Variants in KCTD18 observed in about 807,000 individuals in gnomAD.
KCTD18 encodes the protein potassium channel tetramerization domain containing 18.
Under a neutral mutation model 30.4 loss-of-function variants are expected in KCTD18, and 22 were observed. That is an observed-to-expected ratio of 0.72 (90% CI 0.52 to 1.03). KCTD18 has a LOEUF of 1.03. KCTD18 is among the 50% of genes least tolerant of loss of function. The pLI is 0.00. For missense variants in KCTD18, 529 were observed against 547.6 expected, an observed-to-expected ratio of 0.97 and a Z score of 0.34; for synonymous variants, 186 against 209.0, an observed-to-expected ratio of 0.89 and a Z score of 0.95.
chr2:200,493,332 A>C (rs1419955928), intron 5 of KCTD18, 58 bp from the exon 6 acceptor site: 3 of 1,029,994 alleles, frequency 2.9e-6, no homozygotes, highest in Non-Finnish European at 4.6e-6. Context: ...ATGCTGAGCA[A>C]CACTGTTTCG....
chr2:200,506,758 A>C (rs2030220997), intron 2 of KCTD18, 99 bp downstream of exon 2: 1 of 1,021,850 alleles, frequency 9.8e-7, no homozygotes, highest in Admixed American at 2.2e-5. Context: ...TAATTAGTAT[A>C]GTCATCTAGT....
At chr2:200,491,404 T>C (rs932294655) in intron 6 of KCTD18, among the ~76,000 whole-genome samples, 6 of 152,230 alleles carry the variant, frequency 3.9e-5, no homozygotes, top group Non-Finnish European at 7.3e-5. Flanking sequence ...CCCAGCCTGA[T>C]AGTCCTTTAT....
chr2:200,490,131 C>T lies in KCTD18; in HGVS notation c.1250G>A (p.Arg417Gln). 2 of 1,593,788 alleles carry T rather than the reference C, an allele frequency of 1.3e-6. No individual in the cohort carries two copies. The highest frequency in any genetic ancestry group is 2.2e-5 in the South Asian group (2 of 89,978). The change falls in exon 7 of 7, where the codon CGG becomes CAG. Residue 417 changes from arginine (R) to glutamine (Q), a missense_variant. Arg to Gln is a conservative substitution (Grantham distance 43, BLOSUM62 1). Transcript: ENST00000359878. Reference protein sequence around the residue: ...PGEAARALGVRTENGKNKGN With the variant: ...PGEAARALGVQTENGKNKGN ...TCCCTTGTTCTTCCCGTTCTCAGTCCGCACTCCCAAGGCACGGGCAGCTTC... is the reference window on the plus strand; with the variant it reads ...TCCCTTGTTCTTCCCGTTCTCAGTCTGCACTCCCAAGGCACGGGCAGCTTC...
intron 6 of KCTD18, 44 bp downstream of exon 6, chr2:200,493,128 G>C: frequency 8.8e-7 from 1 of 1,131,984 alleles, no homozygotes; most frequent in South Asian, 1.2e-5. Context: ...AAAAATGTCA[G>C]CGATTAAAAA....
At chr2:200,502,243 T>C (rs1252682641) in intron 3 of KCTD18, among the ~76,000 whole-genome samples, 1 of 152,036 alleles carries the variant, frequency 6.6e-6, no homozygotes, top group Non-Finnish European at 1.5e-5. Context: ...CATATGTAAC[T>C]AACCTGCACA....
At chr2:200,498,707 T>G (rs1481476451) in intron 4 of KCTD18, among the ~76,000 whole-genome samples, 184 bp downstream of exon 4, 1 of 152,232 alleles carries the variant, frequency 6.6e-6, no homozygotes, top group African/African-American at 2.4e-5. Flanking sequence ...CCATACTGTA[T>G]GGGAAATGAT....
At chr2:200,490,694 A>G (rs2087903020) in intron 6 of KCTD18, 78 bp from the exon 7 acceptor site, 2 of 1,440,814 alleles carry the variant, frequency 1.4e-6, no homozygotes, top group African/African-American at 1.4e-5. Flanking sequence ...GTTTACCTTC[A>G]GCATTAACAG....
At chr2:200,509,265 G>A (rs1203381820) in intron 1 of KCTD18, among the ~76,000 whole-genome samples, 1 of 152,094 alleles carries the variant, frequency 6.6e-6, no homozygotes, top group African/African-American at 2.4e-5. Flanking sequence ...TGTGGAGCCA[G>A]CCCCAATCCA....
chr2:200,493,153 A>G lies in KCTD18; in HGVS notation c.764+19T>C. On this transcript the variant is annotated intron_variant, in intron 6 of 6. Transcript: ENST00000359878. ...GCGATTAAAAAAACAAAACAAATAA[A>G]CAACACAGCATAGATAACCTCTTTC... 1 of 1,463,166 alleles carries G rather than the reference A, an allele frequency of 6.8e-7. No homozygotes were observed. Among genetic ancestry groups the G allele is most frequent in the Non-Finnish European group, 9.6e-7 (1 of 1,044,088 alleles). The allele number at this position is 1,463,166 out of a possible 1,614,324, so 90.6% of individuals were successfully genotyped here. A position where few individuals can be genotyped will look rare whatever the true frequency, so the allele number is the denominator to read the frequency against.
chr2:200,503,254 C>T (rs923391218), intron 3 of KCTD18, among the ~76,000 whole-genome samples: 1 of 152,116 alleles, frequency 6.6e-6, no homozygotes, highest in Non-Finnish European at 1.5e-5. Context: ...TATTTACTGA[C>T]TCAGTGAATG....
At chr2:200,501,742 A>C (rs2088088304) in intron 3 of KCTD18, among the ~76,000 whole-genome samples, 1 of 151,550 alleles carries the variant, frequency 6.6e-6, no homozygotes, top group Non-Finnish European at 1.5e-5. Context: ...TTCCTCAGGG[A>C]TCTAGTATTA....
rs541371008 is a variant in KCTD18 at position 200,502,509 on chromosome 2, C to T, written c.372+2239G>A. On this transcript the variant is annotated intron_variant, in intron 3 of 6. Transcript: ENST00000359878. ...GATTTTACTTTTACACGGAAAGATA[C>T]GAATATGTAAACTCAATATCTAAAC... Among the ~76,000 whole-genome samples, 21 of 152,248 alleles carry T rather than the reference C, an allele frequency of 1.4e-4. No homozygotes were observed. The South Asian group carries it at 3.7e-3, about 27-fold the overall frequency.
chr2:200,499,372 T>C (rs530731804), intron 3 of KCTD18, among the ~76,000 whole-genome samples: 12 of 152,324 alleles, frequency 7.9e-5, no homozygotes, highest in Non-Finnish European at 1.5e-4. Context: ...TCTTACTCTT[T>C]TAGTCTGCCA....
At chr2:200,491,260 A>C (rs926309298) in intron 6 of KCTD18, among the ~76,000 whole-genome samples, 4 of 152,152 alleles carry the variant, frequency 2.6e-5, no homozygotes, top group African/African-American at 9.7e-5. Context: ...ACCGTGTGAC[A>C]TATCTGCTTC....
intron 6 of KCTD18, 152 bp downstream of exon 6, chr2:200,493,020 G>T: frequency 1.7e-6 from 1 of 582,584 alleles, no homozygotes; most frequent in Non-Finnish European, 3.1e-6. Context: ...TATTTATCAA[G>T]ATCTATATTT....
Position 200,490,173 on chromosome 2 carries a change from A to T in KCTD18, c.1208T>A (p.Leu403His). The T allele has an allele frequency of 1.2e-6, 2 of 1,612,580 alleles. No individual in the cohort carries two copies. Among genetic ancestry groups the T allele is most frequent in the Non-Finnish European group, 1.7e-6 (2 of 1,178,758 alleles). The change falls in exon 7 of 7, where the codon CTC (leucine) becomes CAC (histidine). Residue 403 changes from leucine to histidine, a missense_variant. By Grantham distance (99) the Leu-to-His change is moderately conservative (BLOSUM62 -3). Coordinates refer to ENST00000359878, the MANE Select transcript of KCTD18 (RefSeq NM_152387.4). ...GGCAGCTTCGCCGGGAAGCGGCTTG[A>T]GGGAGTTGGCCTGCCTCGTGGCCGT... ...SPTATRQANS[L>H]KPLPGEAARA...
At chr2:200,498,068 T>C (rs374172114) in intron 4 of KCTD18, among the ~76,000 whole-genome samples, 14 of 152,308 alleles carry the variant, frequency 9.2e-5, no homozygotes, top group African/African-American at 2.4e-4. Flanking sequence ...CTTTTTATCA[T>C]AGTATTTTAT....
intron 6 of KCTD18, among the ~76,000 whole-genome samples, chr2:200,490,877 T>G (rs113440332): frequency 6.6e-6 from 1 of 152,168 alleles, no homozygotes; most frequent in African/African-American, 2.4e-5. Context: ...TTTGGCACTT[T>G]ACATAAGAAT....
rs1315104337 is a variant in KCTD18 at position 200,490,422 on chromosome 2, C to T, written c.959G>A (p.Arg320Lys). ...AGGTGCAGAGCGCTGAGCTGCCTTT[C>T]TGCGGCTACCACTTTGAAACCGGTT... Reference protein sequence around the residue: ...TANRFQSGSRRKAAQRSAPSR... With the variant: ...TANRFQSGSRKKAAQRSAPSR... Residue 320 changes from arginine to lysine, a missense_variant, in exon 7 of 7, where the codon AGA (arginine) becomes AAA (lysine). Coordinates refer to ENST00000359878, the MANE Select transcript of KCTD18 (RefSeq NM_152387.4). The T allele has an allele frequency of 6.2e-7, 1 of 1,614,196 alleles. No individual in the cohort carries two copies. Among genetic ancestry groups the T allele is most frequent in the African/African-American group, 1.3e-5 (1 of 75,066 alleles).
Sources: allele counts gnomAD v4.1 joint callset (sites outside exome capture counted in the v4.1 genomes callset), GRCh38; gene constraint gnomAD v4.1.1; transcripts MANE v1.5; gene names NCBI Gene and HGNC (gene_info 2026-07-23, HGNC 2026-07-21).